The following FBXL4 variants were observed in gnomAD, a reference collection of about 807,000 sequenced individuals.
FBXL4 encodes F-box/LRR-repeat protein 4.
In FBXL4, 40 loss-of-function variants were observed where a neutral mutation model predicts 58.9. The observed-to-expected ratio is 0.68, with a 90% CI of 0.53 to 0.88. The LOEUF (loss-of-function observed/expected upper bound fraction) is 0.88. FBXL4 is among the 40% of genes least tolerant of loss of function. The probability of loss-of-function intolerance (pLI) is 0.00; values close to 1 mark genes in which losing one functional copy is unlikely to be tolerated. For synonymous variants in FBXL4, 263 were observed against 265.5 expected (o/e 0.99, Z 0.09); for missense variants, 676 against 734.4 (o/e 0.92, Z 0.92).
In FBXL4 at chr6:98,880,628, C is replaced by A. The variant is rs376830110; in HGVS notation, c.1318-4G>T. ...AAATGCTGAGCAGTGCTGTTTGCTG[C>A]CATTAGGGACCACATCAGAGGCAAA... On this transcript the variant is annotated splice_polypyrimidine_tract_variant and splice_region_variant and intron_variant, in intron 7 of 9. Coordinates refer to ENST00000369244, the MANE Select transcript of FBXL4 (RefSeq NM_001278716.2). The A allele has an allele frequency of 6.2e-6, 10 of 1,612,846 alleles. No individual in the cohort carries two copies. Among genetic ancestry groups the A allele is most frequent in the Non-Finnish European group, 8.5e-6 (10 of 1,179,204 alleles).
intron 5 of FBXL4, among the ~76,000 whole-genome samples, chr6:98,907,090 G>A (rs926995086): frequency 1.3e-4 from 20 of 152,222 alleles, no homozygotes; most frequent in Middle Eastern, 3.4e-3. Context: ...TGGATAGATC[G>A]CAAAAATTTT....
rs886852919 is a variant in FBXL4 at position 98,870,534 on chromosome 6, A to C, written c.*3744T>G. ...TTATGTGGTGCTGTCATCATTTTGCACTGCTACTTGGCACACTAAAAACTG... is the reference window on the plus strand; with the variant it reads ...TTATGTGGTGCTGTCATCATTTTGCCCTGCTACTTGGCACACTAAAAACTG... On this transcript the variant is annotated 3_prime_UTR_variant, in exon 10 of 10. Coordinates refer to ENST00000369244, the MANE Select transcript of FBXL4 (RefSeq NM_001278716.2). 2.0e-5 allele frequency: 3 copies of C among 152,196 alleles called. No individual in the cohort carries two copies. Among genetic ancestry groups the C allele is most frequent in the African/African-American group, 7.2e-5 (3 of 41,454 alleles). 9.4% of individuals were successfully genotyped at this position (152,196 alleles called of 1,614,324 possible).
chr6:98,910,759 C>T (rs753801385), intron 5 of FBXL4, among the ~76,000 whole-genome samples: 12 of 152,084 alleles, frequency 7.9e-5, no homozygotes, highest in South Asian at 2.1e-4. Flanking sequence ...ACGCATTAGA[C>T]GGGTGATTTC....
Position 98,917,660 on chromosome 6 carries a change from A to T in FBXL4, c.572T>A (p.Phe191Tyr), listed in dbSNP as rs1772418715. ...TKVNASQARQFKPCIKQINFP... is the reference protein window; with the variant it reads ...TKVNASQARQYKPCIKQINFP... ...ATTTATCTGCTTAATACAAGGTTTAAACTGGCGAGCTTGGGAAGCATTCAC... is the reference window on the plus strand; with the variant it reads ...ATTTATCTGCTTAATACAAGGTTTATACTGGCGAGCTTGGGAAGCATTCAC... Residue 191 changes from phenylalanine to tyrosine, a missense_variant, in exon 5 of 10, where the codon TTT becomes TAT. Transcript: ENST00000369244. 1 of 1,613,638 alleles carries T rather than the reference A, an allele frequency of 6.2e-7. No homozygotes were observed. Among genetic ancestry groups the T allele is most frequent in the Non-Finnish European group, 8.5e-7 (1 of 1,179,806 alleles).
At chr6:98,896,673 G>A (rs967463851) in intron 7 of FBXL4, 52 of 643,158 alleles carry the variant, frequency 8.1e-5, no homozygotes, top group African/African-American at 1.6e-4. Flanking sequence ...GAAAAATTAC[G>A]TAGTGTTTAT....
In FBXL4 at chr6:98,921,427, A is replaced by C. The variant is rs151334634; in HGVS notation, c.513-3708T>G. ...TAAGTATATCTAGTAGCCAGCAAAG[A>C]AAGTTATCTTGCCAACCCTGTTCCA... On this transcript the variant is annotated intron_variant, in intron 4 of 9. Transcript: ENST00000369244. Among the ~76,000 whole-genome samples, 5 of 151,692 alleles carry C rather than the reference A, an allele frequency of 3.3e-5. No homozygotes were observed. The East Asian group carries it at 9.7e-4, about 29-fold the overall frequency.
chr6:98,946,786 A>G (rs2064146), intron 1 of FBXL4, among the ~76,000 whole-genome samples: 104,743 of 152,102 alleles, frequency 0.69, 36,923 homozygotes, highest in African/African-American at 0.85. Flanking sequence ...GTGCCTACTA[A>G]AGCATAATGC....
At position 98,906,418 on chromosome 6, in the gene FBXL4, G is replaced by A. The variant is rs144984835; in HGVS notation, c.859-748C>T. 4.6e-5 allele frequency among the ~76,000 whole-genome samples: 7 copies of A among 151,744 alleles called. No individual in the cohort carries two copies. In the East Asian group the frequency reaches 5.8e-4, roughly 13 times the overall value. On this transcript the variant is annotated intron_variant, in intron 5 of 9. Coordinates refer to ENST00000369244, the MANE Select transcript of FBXL4 (RefSeq NM_001278716.2). ...CTCCCACTTATGAGTGAGAACATGC[G>A]GTGCTTGGTTGTCTGTTCCTGTGTT...
chr6:98,906,076 A>G (rs998613175), intron 5 of FBXL4, among the ~76,000 whole-genome samples: 1 of 152,054 alleles, frequency 6.6e-6, no homozygotes, highest in Non-Finnish European at 1.5e-5. Flanking sequence ...ACGTTTTAAT[A>G]GCTTTGACAA....
intron 8 of FBXL4, among the ~76,000 whole-genome samples, chr6:98,878,952 C>A (rs1770751039): frequency 6.6e-6 from 1 of 152,130 alleles, no homozygotes; most frequent in Non-Finnish European, 1.5e-5. Context: ...TGAGGAAAAT[C>A]TAGTGGGCTC....
At position 98,871,212 on chromosome 6, in the gene FBXL4, G is replaced by A. The variant is rs2128373050; in HGVS notation, c.*3066C>T. ...GTTTGATTCTATCGGCTGAAGGACT[G>A]TGTCCAAAGTAAACTTAAGACTATT... On this transcript the variant is annotated 3_prime_UTR_variant, in exon 10 of 10. Transcript: ENST00000369244. The A allele has an allele frequency of 6.6e-6, 1 of 152,252 alleles. No individual in the cohort carries two copies. The highest frequency in any genetic ancestry group is 6.5e-5 in the Admixed American group (1 of 15,294). The allele number at this position is 152,252 out of a possible 1,614,324, so 9.4% of individuals were successfully genotyped here.
At chr6:98,926,394 T>C in intron 4 of FBXL4, 83 bp downstream of exon 4, 3 of 1,372,668 alleles carry the variant, frequency 2.2e-6, no homozygotes, top group Non-Finnish European at 3.0e-6. Context: ...CTTAAAAGAA[T>C]GCTTGCAATA....
At position 98,870,637 on chromosome 6, in the gene FBXL4, G is replaced by A. The variant is rs1305728722; in HGVS notation, c.*3641C>T. On this transcript the variant is annotated 3_prime_UTR_variant, in exon 10 of 10. Coordinates refer to ENST00000369244, the MANE Select transcript of FBXL4 (RefSeq NM_001278716.2). ...TATTTTTAAATTTTTTATTACTAGTGCTTACCCATAACATCAAAACAAGAG... is the reference window on the plus strand; with the variant it reads ...TATTTTTAAATTTTTTATTACTAGTACTTACCCATAACATCAAAACAAGAG... 6.6e-6 allele frequency: 1 copy of A among 152,014 alleles called. No individual in the cohort carries two copies. The allele number at this position is 152,014 out of a possible 1,614,324, so 9.4% of individuals were successfully genotyped here.
chr6:98,899,621 A>C (rs1296174540), intron 6 of FBXL4, 140 bp from the exon 7 acceptor site: 1 of 1,072,852 alleles, frequency 9.3e-7, no homozygotes, highest in African/African-American at 1.6e-5. Context: ...GTTTTGCTTA[A>C]ATTCTTATTC....
Position 98,926,928 on chromosome 6 carries a change from G to C in FBXL4, c.61C>G (p.Arg21Gly). 1 of 1,614,074 alleles carries C rather than the reference G, an allele frequency of 6.2e-7. No individual in the cohort carries two copies. The highest frequency in any genetic ancestry group is 2.2e-5 in the East Asian group (1 of 44,888). ...CCTCTTGTAGCTGTCCTGGCTCGGC[G>C]CCGAAGGCATATATAATAAAACATG... ...LTMFYYICLR[R>G]RARTATRGEM... Residue 21 changes from arginine (R) to glycine (G), a missense_variant, in exon 4 of 10, where the codon CGC becomes GGC. Arg to Gly is a moderately radical substitution (Grantham distance 125). Transcript: ENST00000369244.
At chr6:98,875,826 C>T in intron 8 of FBXL4, 99 bp from the exon 9 acceptor site, 1 of 1,180,382 alleles carries the variant, frequency 8.5e-7, no homozygotes, top group Non-Finnish European at 1.2e-6. Context: ...TGCTTTGCTT[C>T]CATGTAAACA....
At chr6:98,882,906 C>T (rs1035437625) in intron 7 of FBXL4, among the ~76,000 whole-genome samples, 1 of 151,970 alleles carries the variant, frequency 6.6e-6, no homozygotes, top group African/African-American at 2.4e-5. Flanking sequence ...AATAAACATT[C>T]CTTTATGTGC....
intron 5 of FBXL4, among the ~76,000 whole-genome samples, chr6:98,909,948 A>G (rs1771966687): frequency 6.6e-6 from 1 of 152,224 alleles, no homozygotes; most frequent in African/African-American, 2.4e-5. Context: ...TTTAACTGTA[A>G]TATGTTGGAG....
chr6:98,945,715 C>T (rs1401975576), intron 1 of FBXL4, among the ~76,000 whole-genome samples: 1 of 152,086 alleles, frequency 6.6e-6, no homozygotes, highest in Non-Finnish European at 1.5e-5. Flanking sequence ...CCATTTATCT[C>T]TTAGATAACC....
Sources: allele counts gnomAD v4.1 joint callset (sites outside exome capture counted in the v4.1 genomes callset), GRCh38; gene constraint gnomAD v4.1.1; transcripts MANE v1.5; gene names NCBI Gene and HGNC (gene_info 2026-07-23, HGNC 2026-07-21).